PTK2: variants seen among roughly 807,000 people sequenced by gnomAD.
The protein encoded by PTK2 is protein tyrosine kinase 2.
A neutral mutation model predicts 150.1 loss-of-function variants in PTK2; 45 were observed. The ratio of observed to expected loss-of-function variants is 0.30; its 90% confidence interval spans 0.24 to 0.38. PTK2 has a LOEUF of 0.38. Ranked by LOEUF, PTK2 falls within the 10% of genes least tolerant of loss-of-function variation. The pLI is 1.00. For missense variants in PTK2, 919 were observed against 1,307.3 expected, an observed-to-expected ratio of 0.70 and a Z score of 4.58; for synonymous variants, 432 against 449.2, an observed-to-expected ratio of 0.96 and a Z score of 0.48.
At chr8:140,875,108 G>A (rs1313263948) in intron 4 of PTK2, among the ~76,000 whole-genome samples, 1 of 152,146 alleles carries the variant, frequency 6.6e-6, no homozygotes, top group African/African-American at 2.4e-5. Flanking sequence ...TAGCCAGTAG[G>A]AGACCACAGG....
At chr8:140,906,038 G>A (rs1768515607) in intron 2 of PTK2, among the ~76,000 whole-genome samples, 1 of 151,544 alleles carries the variant, frequency 6.6e-6, no homozygotes, top group Non-Finnish European at 1.5e-5. Context: ...AAATAATCCT[G>A]TTTTAAAAAT....
chr8:140,998,869 A>G (rs1278555398), intron 1 of PTK2, among the ~76,000 whole-genome samples: 1 of 152,004 alleles, frequency 6.6e-6, no homozygotes, highest in African/African-American at 2.4e-5. Context: ...CCAACTCCCT[A>G]GAAAGAACAG....
chr8:140,794,397 T>C (rs1170283194), intron 12 of PTK2, among the ~76,000 whole-genome samples: 1 of 152,178 alleles, frequency 6.6e-6, no homozygotes, highest in Non-Finnish European at 1.5e-5. Flanking sequence ...CTGGTGCCCT[T>C]CTAGGCAGCT....
chr8:140,888,225 T>C (rs958707985), intron 3 of PTK2, among the ~76,000 whole-genome samples: 1 of 152,246 alleles, frequency 6.6e-6, no homozygotes, highest in African/African-American at 2.4e-5. Flanking sequence ...TGATACCTCT[T>C]ATGTTGTTCA....
intron 8 of PTK2, among the ~76,000 whole-genome samples, chr8:140,819,292 G>C (rs1356437113): frequency 6.6e-6 from 1 of 152,118 alleles, no homozygotes; most frequent in Non-Finnish European, 1.5e-5. Flanking sequence ...ACAGAAGTTT[G>C]TACTATATGT....
intron 2 of PTK2, among the ~76,000 whole-genome samples, chr8:140,907,955 C>G (rs932377260): frequency 2.6e-5 from 4 of 152,108 alleles, no homozygotes; most frequent in Non-Finnish European, 5.9e-5. Flanking sequence ...TCAAGTGAAA[C>G]GAACAGTCCC....
chr8:140,790,903 C>T (rs1168463822), intron 13 of PTK2, among the ~76,000 whole-genome samples: 1 of 152,146 alleles, frequency 6.6e-6, no homozygotes, highest in Non-Finnish European at 1.5e-5. Context: ...TCATTTCCTT[C>T]CCTGTTGTGC....
intron 1 of PTK2, among the ~76,000 whole-genome samples, chr8:140,973,892 C>T (rs998311574): frequency 2.0e-5 from 3 of 152,088 alleles, no homozygotes; most frequent in African/African-American, 7.2e-5. Context: ...TGCTAGATTC[C>T]ATCATTTCTT....
intron 14 of PTK2, among the ~76,000 whole-genome samples, chr8:140,774,910 T>C (rs1027732277): frequency 6.6e-6 from 1 of 152,228 alleles, no homozygotes; most frequent in Non-Finnish European, 1.5e-5. Flanking sequence ...CCCTCAGTTC[T>C]GGGAATTGCC....
At chr8:140,735,925 C>T (rs532496611) in intron 21 of PTK2, among the ~76,000 whole-genome samples, 2 of 152,298 alleles carry the variant, frequency 1.3e-5, no homozygotes, top group African/African-American at 4.8e-5. Flanking sequence ...AGGTTGGCCT[C>T]TTCTTGTCTA....
chr8:140,673,634 C>A (rs2100011902), intron 29 of PTK2, among the ~76,000 whole-genome samples: 1 of 152,180 alleles, frequency 6.6e-6, no homozygotes, highest in African/African-American at 2.4e-5. Flanking sequence ...CGTCAGATCT[C>A]TCAGGGAGGA....
chr8:140,941,498 A>G (rs1183633273), intron 1 of PTK2, among the ~76,000 whole-genome samples: 1 of 152,196 alleles, frequency 6.6e-6, no homozygotes, highest in African/African-American at 2.4e-5. Context: ...AGTGCCACAC[A>G]TTATAGTATA....
intron 22 of PTK2, 100 bp from the exon 26 acceptor site, chr8:140,717,809 G>C: frequency 1.1e-6 from 1 of 872,002 alleles, no homozygotes; most frequent in South Asian, 1.3e-5. Context: ...TTGGCTAACA[G>C]TAGATGATAA....
chr8:140,713,426 C>T (rs537209516), intron 23 of PTK2, among the ~76,000 whole-genome samples: 107 of 152,294 alleles, frequency 7.0e-4, no homozygotes, highest in African/African-American at 2.5e-3. Context: ...ACTTGCTTAG[C>T]TAATTTTTGT....
At chr8:140,920,437 A>G (rs1342184816) in intron 2 of PTK2, among the ~76,000 whole-genome samples, 2 of 152,188 alleles carry the variant, frequency 1.3e-5, no homozygotes, top group Non-Finnish European at 2.9e-5. Context: ...TTTTAAAATA[A>G]GAAAATACAT....
chr8:140,919,481 G>A (rs971605430), intron 2 of PTK2, among the ~76,000 whole-genome samples: 2 of 152,152 alleles, frequency 1.3e-5, no homozygotes, highest in African/African-American at 4.8e-5. Flanking sequence ...GGTACTGGAT[G>A]TGTAGATCTT....
At chr8:140,950,610 T>C (rs530823930) in intron 1 of PTK2, among the ~76,000 whole-genome samples, 3 of 152,074 alleles carry the variant, frequency 2.0e-5, no homozygotes, top group Admixed American at 1.3e-4. Context: ...CCAAGCCGAG[T>C]AGGCGAACAA....
intron 27 of PTK2, among the ~76,000 whole-genome samples, chr8:140,681,576 G>T (rs1176908247): frequency 1.3e-5 from 2 of 152,094 alleles, no homozygotes; most frequent in African/African-American, 4.8e-5. Context: ...AGGAGATCGA[G>T]ACCATCCCGG....
intron 22 of PTK2, chr8:140,721,866 T>A (rs541019016): frequency 2.6e-5 from 4 of 152,338 alleles, no homozygotes; most frequent in Admixed American, 6.5e-5. Context: ...TACATTACTC[T>A]CCTTATTCTC....
Sources: allele counts gnomAD v4.1 joint callset (sites outside exome capture counted in the v4.1 genomes callset), GRCh38; gene constraint gnomAD v4.1.1; transcripts MANE v1.5; gene names NCBI Gene and HGNC (gene_info 2026-07-23, HGNC 2026-07-21).